Variants in KCNIP3 observed in about 807,000 individuals in gnomAD.
KCNIP3 encodes the protein potassium voltage-gated channel interacting protein 3.
Under a neutral mutation model 35.0 loss-of-function variants are expected in KCNIP3, and 28 were observed. The observed-to-expected ratio is 0.80, with a 90% CI of 0.59 to 1.10. The LOEUF (loss-of-function observed/expected upper bound fraction) is 1.10, where lower values mean the gene tolerates loss of function less well. Ranked by LOEUF, KCNIP3 falls within the 50% of genes least tolerant of loss-of-function variation. The pLI is 0.00. For missense variants in KCNIP3, 295 were observed against 338.4 expected, an observed-to-expected ratio of 0.87 and a Z score of 1.01; for synonymous variants, 134 against 133.8, an observed-to-expected ratio of 1.00 and a Z score of -0.01.
chr2:95,315,082 G>A (rs944038163), intron 2 of KCNIP3, among the ~76,000 whole-genome samples: 1 of 152,154 alleles, frequency 6.6e-6, no homozygotes, highest in Non-Finnish European at 1.5e-5. Flanking sequence ...ATTCCGTGGT[G>A]AAATGAGTCT....
At chr2:95,320,208 G>A (rs566445456) in intron 2 of KCNIP3, among the ~76,000 whole-genome samples, 11 of 152,300 alleles carry the variant, frequency 7.2e-5, no homozygotes, top group African/African-American at 2.4e-4. Context: ...ACCACACGGA[G>A]GGAGCCTGAG....
chr2:95,324,641 G>T (rs944841967), intron 2 of KCNIP3, among the ~76,000 whole-genome samples: 8 of 152,126 alleles, frequency 5.3e-5, no homozygotes, highest in Non-Finnish European at 1.2e-4. Flanking sequence ...GGCCTGGCAT[G>T]GTGGCTCACG....
chr2:95,350,229 TC>T (rs1679479672), intron 2 of KCNIP3, among the ~76,000 whole-genome samples: 1 of 152,176 alleles, frequency 6.6e-6, no homozygotes, highest in African/African-American at 2.4e-5. Flanking sequence ...GTCTCCTGGC[TC>T]CTAGCACATT....
intron 2 of KCNIP3, among the ~76,000 whole-genome samples, chr2:95,319,094 G>T (rs1678528551): frequency 1.3e-5 from 2 of 152,240 alleles, no homozygotes; most frequent in South Asian, 4.1e-4. Context: ...TCAAATTCAT[G>T]CATGACATTT....
At chr2:95,334,737 T>C (rs1679015373) in intron 2 of KCNIP3, among the ~76,000 whole-genome samples, 1 of 152,176 alleles carries the variant, frequency 6.6e-6, no homozygotes, top group Non-Finnish European at 1.5e-5. Flanking sequence ...TGGGAACCTT[T>C]CATCACTGGG....
At position 95,381,600 on chromosome 2, in the gene KCNIP3, T is replaced by C. The variant is rs781503045; in HGVS notation, c.452T>C (p.Phe151Ser). 1.5e-5 allele frequency: 24 copies of C among 1,612,656 alleles called. No individual in the cohort carries two copies. The highest frequency in any genetic ancestry group is 2.5e-6 in the Non-Finnish European group (3 of 1,178,782). ...CACACTCTCCTTTCCCCATAGGACT[T>C]TGTGGTTGGCCTCTCCATCCTGCTG... Reference protein sequence around the residue: ...DGNGAIHFEDFVVGLSILLRG... With the variant: ...DGNGAIHFEDSVVGLSILLRG... The change falls in exon 6 of 9, where the codon TTT becomes TCT. Residue 151 changes from phenylalanine (F) to serine (S), a missense_variant. Phe to Ser is a radical substitution (Grantham distance 155). Coordinates refer to ENST00000295225, the MANE Select transcript of KCNIP3 (RefSeq NM_013434.5).
chr2:95,339,516 G>A (rs1198779463), intron 2 of KCNIP3, among the ~76,000 whole-genome samples: 1 of 152,082 alleles, frequency 6.6e-6, no homozygotes, highest in Admixed American at 6.5e-5. Flanking sequence ...CTCAGGAGGC[G>A]GAGGTCACAG....
At chr2:95,310,788 GAC>G in intron 2 of KCNIP3, 1 of 488,928 alleles carries the variant, frequency 2.0e-6, no homozygotes, top group South Asian at 2.1e-5. Flanking sequence ...TGGCTAGGAA[GAC>G]AGAGCCAGGC....
At chr2:95,383,628 C>T (rs913268644) in intron 8 of KCNIP3, among the ~76,000 whole-genome samples, 2 of 152,212 alleles carry the variant, frequency 1.3e-5, no homozygotes, top group African/African-American at 2.4e-5. Flanking sequence ...CCAGAGCTTC[C>T]GCAGTGTTGC....
Position 95,302,833 on chromosome 2 carries a change from G to A in KCNIP3, c.15+5380G>A, listed in dbSNP as rs367941273. ...TCTCCTGCCCTGCCCCCAACTAGCC[G>A]TGCCCTCTGAGCCCACACCCAGGGG... On this transcript the variant is annotated intron_variant, in intron 1 of 8. Coordinates refer to ENST00000295225, the MANE Select transcript of KCNIP3 (RefSeq NM_013434.5). Among the ~76,000 whole-genome samples the A allele has an allele frequency of 3.7e-4, 57 of 152,216 alleles. No individual in the cohort carries two copies. The East Asian group carries it at 8.9e-3, about 24-fold the overall frequency.
intron 2 of KCNIP3, among the ~76,000 whole-genome samples, chr2:95,352,639 G>A (rs1009821906): frequency 6.6e-6 from 1 of 151,902 alleles, no homozygotes; most frequent in Non-Finnish European, 1.5e-5. Flanking sequence ...ATTTGCCAGT[G>A]GCCTGTAAAC....
At chr2:95,379,441 C>T (rs1443182996) in intron 5 of KCNIP3, among the ~76,000 whole-genome samples, 1 of 138,886 alleles carries the variant, frequency 7.2e-6, no homozygotes, top group Non-Finnish European at 1.5e-5. Flanking sequence ...CAGCCTCCCA[C>T]AGCTCCATCC....
chr2:95,320,271 A>C (rs1328560096), intron 2 of KCNIP3, among the ~76,000 whole-genome samples: 1 of 152,100 alleles, frequency 6.6e-6, no homozygotes, highest in Non-Finnish European at 1.5e-5. Context: ...CTTCCCTGCC[A>C]TTTGCATTAA....
intron 1 of KCNIP3, among the ~76,000 whole-genome samples, chr2:95,304,310 G>A (rs1678118229): frequency 6.6e-6 from 1 of 152,342 alleles, no homozygotes; most frequent in African/African-American, 2.4e-5. Flanking sequence ...GTGGGAAGCC[G>A]GGAGCAGAAG....
Position 95,382,309 on chromosome 2 carries a change from C to T in KCNIP3, c.556-68C>T, listed in dbSNP as rs1310623708. On this transcript the variant is annotated intron_variant, in intron 6 of 8. Coordinates refer to ENST00000295225, the MANE Select transcript of KCNIP3 (RefSeq NM_013434.5). The surrounding 1 kb of genome is among the most constrained non-coding windows in gnomAD (Gnocchi z 4.5). Reference sequence around the variant, plus strand: ...AGGTGCCCTGCACCCTTGGATGCCGCCCGCTCCCTTTGGGCCCTCACAGCC... The same window carrying T: ...AGGTGCCCTGCACCCTTGGATGCCGTCCGCTCCCTTTGGGCCCTCACAGCC... 5 of 1,051,096 alleles carry T rather than the reference C, an allele frequency of 4.8e-6. No individual in the cohort carries two copies. In the Admixed American group the frequency reaches 8.0e-5, roughly 17 times the overall value. 65.1% of individuals were successfully genotyped at this position (1,051,096 alleles called of 1,614,324 possible).
intron 2 of KCNIP3, chr2:95,311,837 A>C (rs1440702014): frequency 6.6e-6 from 1 of 152,176 alleles, no homozygotes. Context: ...TGAATGCATG[A>C]GTGAGTTCCA....
intron 2 of KCNIP3, among the ~76,000 whole-genome samples, chr2:95,319,310 G>A (rs1226470649): frequency 1.3e-5 from 2 of 152,212 alleles, no homozygotes; most frequent in South Asian, 2.1e-4. Flanking sequence ...AGAGCCCAGG[G>A]TTCCTGGGCC....
At chr2:95,373,427 T>G (rs1489547803) in intron 2 of KCNIP3, among the ~76,000 whole-genome samples, 2 of 138,180 alleles carry the variant, frequency 1.4e-5, no homozygotes, top group South Asian at 2.5e-4. Flanking sequence ...TTTTTTTTTT[T>G]TTTTTTTTTT....
At chr2:95,370,538 A>C (rs1354258782) in intron 2 of KCNIP3, among the ~76,000 whole-genome samples, 1 of 152,136 alleles carries the variant, frequency 6.6e-6, no homozygotes, top group East Asian at 1.9e-4. Context: ...TCCTGTGCTT[A>C]TTGGCCAGTT....
Sources: allele counts gnomAD v4.1 joint callset (sites outside exome capture counted in the v4.1 genomes callset), GRCh38; gene constraint gnomAD v4.1.1; non-coding constraint Gnocchi (gnomAD v3.1); transcripts MANE v1.5; gene names NCBI Gene and HGNC (gene_info 2026-07-23, HGNC 2026-07-21).